Variants in HIBADH observed in about 807,000 individuals in gnomAD.
The protein encoded by HIBADH is 3-hydroxyisobutyrate dehydrogenase, mitochondrial.
Under a neutral mutation model 36.1 loss-of-function variants are expected in HIBADH, and 25 were observed. The observed-to-expected ratio is 0.69, with a 90% CI of 0.50 to 0.97. The LOEUF is 0.97. Among genes scored for constraint, HIBADH ranks in the 50% least tolerant of loss-of-function variants. The pLI, the probability that HIBADH is intolerant of heterozygous loss-of-function variation, is 0.00. For missense variants in HIBADH, 421 were observed against 418.0 expected (o/e 1.01, Z -0.06); for synonymous variants, 160 against 149.5 (o/e 1.07, Z -0.51).
intron 4 of HIBADH, among the ~76,000 whole-genome samples, chr7:27,557,588 G>A (rs1230556133): frequency 2.0e-5 from 3 of 152,170 alleles, no homozygotes; most frequent in African/African-American, 7.2e-5. Flanking sequence ...GGTGAGGGCT[G>A]CTCTCTGTTT....
At chr7:27,563,461 T>C (rs1784497002) in intron 4 of HIBADH, among the ~76,000 whole-genome samples, 2 of 152,262 alleles carry the variant, frequency 1.3e-5, no homozygotes, top group South Asian at 4.1e-4. Context: ...TTTAACTTTA[T>C]GAAAAGCTTC....
chr7:27,583,108 CTTTT>C (rs933355086), intron 4 of HIBADH, among the ~76,000 whole-genome samples: 4 of 151,918 alleles, frequency 2.6e-5, no homozygotes, highest in Non-Finnish European at 4.4e-5. Context: ...TTCCACAAAA[CTTTT>C]TTTTCACAGA....
intron 4 of HIBADH, among the ~76,000 whole-genome samples, chr7:27,619,935 A>G (rs1485490886): frequency 6.6e-6 from 1 of 152,202 alleles, no homozygotes; most frequent in Non-Finnish European, 1.5e-5. Context: ...CTAGCAAGAG[A>G]TTTAAATATT....
At chr7:27,534,187 T>C (rs1199159158) in intron 6 of HIBADH, among the ~76,000 whole-genome samples, 1 of 152,300 alleles carries the variant, frequency 6.6e-6, no homozygotes, top group South Asian at 2.1e-4. Context: ...AAATTAAACA[T>C]TTGCCTTCAC....
chr7:27,594,670 A>T (rs1351789425), intron 4 of HIBADH, among the ~76,000 whole-genome samples: 2 of 152,206 alleles, frequency 1.3e-5, no homozygotes, highest in Non-Finnish European at 2.9e-5. Context: ...AGTCTAAAAA[A>T]TTCTGAGCGA....
intron 4 of HIBADH, among the ~76,000 whole-genome samples, chr7:27,565,630 A>C (rs1388342724): frequency 6.6e-6 from 1 of 152,072 alleles, no homozygotes; most frequent in Non-Finnish European, 1.5e-5. Context: ...GAATAGTTTT[A>C]TTTCTTTTTA....
intron 5 of HIBADH, chr7:27,541,608 C>T (rs1437354244): frequency 1.1e-5 from 3 of 285,220 alleles, no homozygotes; most frequent in South Asian, 3.0e-5. Context: ...CAAACGCAGC[C>T]GCAGACCTCA....
At chr7:27,635,924 G>C (rs1029769058) in intron 2 of HIBADH, among the ~76,000 whole-genome samples, 7 of 152,146 alleles carry the variant, frequency 4.6e-5, no homozygotes, top group Non-Finnish European at 1.0e-4. Flanking sequence ...TAGTCTTTAA[G>C]AATTCTTGCA....
chr7:27,562,914 A>G (rs1416737709), intron 4 of HIBADH, among the ~76,000 whole-genome samples: 1 of 151,794 alleles, frequency 6.6e-6, no homozygotes, highest in Non-Finnish European at 1.5e-5. Flanking sequence ...TCCTTTTTTT[A>G]TTTTGAAATT....
intron 4 of HIBADH, among the ~76,000 whole-genome samples, chr7:27,575,669 C>T (rs1050337340): frequency 4.6e-5 from 7 of 152,134 alleles, no homozygotes; most frequent in African/African-American, 1.7e-4. Context: ...GTGTGATGTG[C>T]CTGCTTTCTA....
intron 4 of HIBADH, among the ~76,000 whole-genome samples, chr7:27,576,529 A>G (rs1213469514): frequency 2.0e-5 from 3 of 152,214 alleles, no homozygotes; most frequent in African/African-American, 4.8e-5. Context: ...GTTGATTACT[A>G]AACAGTGACC....
rs564053728 is a variant in HIBADH at position 27,554,015 on chromosome 7, C to T, written c.485-10915G>A. Among the ~76,000 whole-genome samples the T allele has an allele frequency of 4.6e-5, 7 of 152,032 alleles. No individual in the cohort carries two copies. In the South Asian group the frequency reaches 1.3e-3, roughly 27 times the overall value. ...ATGTTTGTTTGTGTTTATGGAGTTT[C>T]GCTCTTTTTGCCTAGGCTGGAGTAC... On this transcript the variant is annotated intron_variant, in intron 4 of 7. Coordinates refer to ENST00000265395, the MANE Select transcript of HIBADH (RefSeq NM_152740.4).
intron 4 of HIBADH, among the ~76,000 whole-genome samples, chr7:27,578,321 AT>A (rs5883091): frequency 0.75 from 111,333 of 147,542 alleles, 42,181 homozygotes; most frequent in East Asian, 0.94. Flanking sequence ...CAATGTTTAG[AT>A]TTTTTTTTTT....
At chr7:27,565,317 C>T (rs1424391112) in intron 4 of HIBADH, among the ~76,000 whole-genome samples, 2 of 152,158 alleles carry the variant, frequency 1.3e-5, no homozygotes, top group African/African-American at 4.8e-5. Context: ...CCTGATCGAC[C>T]CTGATGCATC....
intron 5 of HIBADH, among the ~76,000 whole-genome samples, chr7:27,539,871 A>G (rs1442298826): frequency 6.6e-6 from 1 of 152,204 alleles, no homozygotes; most frequent in East Asian, 1.9e-4. Context: ...AAATGTTACT[A>G]AGGGAATCAT....
chr7:27,582,781 G>T (rs558343676), intron 4 of HIBADH, among the ~76,000 whole-genome samples: 3 of 152,204 alleles, frequency 2.0e-5, no homozygotes, highest in Admixed American at 6.5e-5. Flanking sequence ...TTTGGTTGGA[G>T]ATTATTATAT....
intron 5 of HIBADH, among the ~76,000 whole-genome samples, chr7:27,542,558 C>G (rs970762082): frequency 6.7e-6 from 1 of 150,088 alleles, no homozygotes; most frequent in Admixed American, 6.7e-5. Flanking sequence ...CTCAGGTGAT[C>G]CCCCCACCTC....
chr7:27,570,215 A>G (rs1784608887), intron 4 of HIBADH, among the ~76,000 whole-genome samples: 1 of 151,866 alleles, frequency 6.6e-6, no homozygotes, highest in Non-Finnish European at 1.5e-5. Flanking sequence ...CACTCTGCCC[A>G]AGGTTTTTAG....
At chr7:27,579,590 C>T (rs1784761001) in intron 4 of HIBADH, among the ~76,000 whole-genome samples, 1 of 152,184 alleles carries the variant, frequency 6.6e-6, no homozygotes, top group Non-Finnish European at 1.5e-5. Context: ...GAATACTTAA[C>T]CATTACTTCG....
Sources: allele counts gnomAD v4.1 joint callset (sites outside exome capture counted in the v4.1 genomes callset), GRCh38; gene constraint gnomAD v4.1.1; transcripts MANE v1.5; gene names NCBI Gene and HGNC (gene_info 2026-07-23, HGNC 2026-07-21).